TENM2: variants seen among roughly 807,000 people sequenced by gnomAD.
TENM2 encodes the protein teneurin transmembrane protein 2.
In TENM2, 52 loss-of-function variants were observed where a neutral mutation model predicts 245.2. That is an observed-to-expected ratio of 0.21 (90% CI 0.17 to 0.27). The LOEUF is 0.27. TENM2 is among the 10% of genes least tolerant of loss of function. The probability of loss-of-function intolerance (pLI) is 1.00; values close to 1 mark genes in which losing one functional copy is unlikely to be tolerated. For synonymous variants in TENM2, 1,363 were observed against 1,438.9 expected, an observed-to-expected ratio of 0.95 and a Z score of 1.19; for missense variants, 3,046 against 3,666.8, an observed-to-expected ratio of 0.83 and a Z score of 4.37.
chr5:167,984,346 TTACTTTC>T (rs1271687394), intron 4 of TENM2, among the ~76,000 whole-genome samples: 1 of 152,212 alleles, frequency 6.6e-6, no homozygotes, highest in Non-Finnish European at 1.5e-5. Context: ...CAGGAGATGT[TTACTTTC>T]TATTTTTAAA....
intron 7 of TENM2, among the ~76,000 whole-genome samples, chr5:168,064,606 T>C (rs1247893470): frequency 6.6e-6 from 1 of 152,254 alleles, no homozygotes; most frequent in Non-Finnish European, 1.5e-5. Context: ...CCTTTGTGGC[T>C]ACGCCACACT....
chr5:167,222,260 G>A, the TENM2 span, among the ~76,000 whole-genome samples: 1 of 152,172 alleles, frequency 6.6e-6, no homozygotes, highest in Admixed American at 6.5e-5. Context: ...ATGCAATGGA[G>A]GATGTTGACA....
At chr5:167,774,345 G>C (rs1331736013) in intron 2 of TENM2, among the ~76,000 whole-genome samples, 1 of 152,154 alleles carries the variant, frequency 6.6e-6, no homozygotes, top group Non-Finnish European at 1.5e-5. Context: ...CTATCTATCT[G>C]ACAATGCTCA....
At chr5:167,814,464 AAAAAAG>A (rs1217315476) in intron 2 of TENM2, among the ~76,000 whole-genome samples, 16 of 150,928 alleles carry the variant, frequency 1.1e-4, no homozygotes, top group Middle Eastern at 3.2e-3. Flanking sequence ...AAAAAAAAAA[AAAAAAG>A]AAAAAGAAAA....
intron 6 of TENM2, among the ~76,000 whole-genome samples, chr5:168,061,116 G>A (rs1413989768): frequency 6.6e-6 from 1 of 152,082 alleles, no homozygotes; most frequent in Non-Finnish European, 1.5e-5. Flanking sequence ...ATTTCAGTTG[G>A]CTCAGCAGTT....
the TENM2 span, among the ~76,000 whole-genome samples, chr5:167,160,370 C>T: frequency 1.3e-5 from 2 of 152,228 alleles, no homozygotes; most frequent in Non-Finnish European, 2.9e-5. Context: ...ACTCATGCCC[C>T]GCCTGCTGTG....
intron 2 of TENM2, among the ~76,000 whole-genome samples, chr5:167,547,406 CAGGATCCATTA>C (rs1772636377): frequency 6.6e-6 from 1 of 152,212 alleles, no homozygotes; most frequent in Non-Finnish European, 1.5e-5. Context: ...ATTTGCTCTG[CAGGATCCATTA>C]AGAGCAGCGG....
chr5:167,817,833 T>G (rs938419357), intron 2 of TENM2, among the ~76,000 whole-genome samples: 12 of 152,166 alleles, frequency 7.9e-5, no homozygotes, highest in African/African-American at 2.9e-4. Context: ...GTCAGTCTTG[T>G]GTGTTCCAGC....
the TENM2 span, among the ~76,000 whole-genome samples, chr5:167,217,017 T>A: frequency 4.6e-5 from 7 of 152,210 alleles, no homozygotes; most frequent in Non-Finnish European, 7.3e-5. Context: ...TATCTGAATA[T>A]TACATTTTCT....
At chr5:167,771,853 A>G (rs1428254297) in intron 2 of TENM2, among the ~76,000 whole-genome samples, 1 of 152,222 alleles carries the variant, frequency 6.6e-6, no homozygotes, top group East Asian at 1.9e-4. Context: ...AATGTTTTTG[A>G]TTCGCTGGTT....
chr5:167,863,504 C>T (rs1199099656), intron 2 of TENM2, among the ~76,000 whole-genome samples: 1 of 151,676 alleles, frequency 6.6e-6, no homozygotes, highest in African/African-American at 2.4e-5. Context: ...ATTAGCCAGG[C>T]GTGGTGGCAT....
At chr5:167,364,855 A>G (rs1346565402) in intron 1 of TENM2, among the ~76,000 whole-genome samples, 1 of 152,016 alleles carries the variant, frequency 6.6e-6, no homozygotes, top group Non-Finnish European at 1.5e-5. Context: ...AGGAGGAAAG[A>G]GAAAAAAAAA....
the TENM2 span, among the ~76,000 whole-genome samples, chr5:167,045,776 G>C: frequency 6.6e-6 from 1 of 152,144 alleles, no homozygotes; most frequent in Non-Finnish European, 1.5e-5. Flanking sequence ...CCATCCTTGG[G>C]AAGCATAGAG....
In TENM2 at chr5:167,436,959, C is replaced by T. The variant is rs192503175; in HGVS notation, c.502+61486C>T. 2.2e-4 allele frequency among the ~76,000 whole-genome samples: 34 copies of T among 152,290 alleles called. No individual in the cohort carries two copies. In the East Asian group the frequency reaches 5.2e-3, roughly 23 times the overall value. On this transcript the variant is annotated intron_variant, in intron 2 of 28. Coordinates refer to ENST00000518659, the Ensembl canonical transcript of TENM2. Reference sequence around the variant, plus strand: ...AGTTTGCTGCAGGGGCGAGCCCTCACGGAGAACCTCTGCTAGGGCAGTGTA... The same window carrying T: ...AGTTTGCTGCAGGGGCGAGCCCTCATGGAGAACCTCTGCTAGGGCAGTGTA...
In TENM2 at chr5:168,219,067, G is replaced by T. The variant is rs1006360191; in HGVS notation, c.5108+68G>T. ...CCCTAGCTGGCATTAGGACTGGGTC[G>T]CTTGTGTAGCTTTTTAAATTGCTTT... On this transcript the variant is annotated intron_variant, in intron 23 of 28. Transcript: ENST00000518659. 1.0e-5 allele frequency: 15 copies of T among 1,457,478 alleles called. No homozygotes were observed. In the South Asian group the frequency reaches 1.7e-4, roughly 17 times the overall value. The allele number at this position is 1,457,478 out of a possible 1,614,324, so 90.3% of individuals were successfully genotyped here. A position where few individuals can be genotyped will look rare whatever the true frequency, so the allele number is the denominator to read the frequency against.
chr5:167,080,034 T>C, the TENM2 span, among the ~76,000 whole-genome samples: 1 of 152,356 alleles, frequency 6.6e-6, no homozygotes, highest in South Asian at 2.1e-4. Flanking sequence ...CAGCTTTTCA[T>C]TTGTCCTGCA....
chr5:168,179,271 G>A (rs1234403342), intron 13 of TENM2, among the ~76,000 whole-genome samples: 4 of 152,002 alleles, frequency 2.6e-5, no homozygotes, highest in Non-Finnish European at 5.9e-5. Flanking sequence ...TTCTTTATCT[G>A]CAAAATGAGG....
chr5:167,798,061 T>C (rs1485400199), intron 2 of TENM2, among the ~76,000 whole-genome samples: 2 of 152,252 alleles, frequency 1.3e-5, no homozygotes, highest in Non-Finnish European at 2.9e-5. Context: ...TCATAATCTT[T>C]TTCAATGACT....
At chr5:167,134,913 A>G in the TENM2 span, among the ~76,000 whole-genome samples, 1 of 152,212 alleles carries the variant, frequency 6.6e-6, no homozygotes, top group African/African-American at 2.4e-5. Context: ...CAGAGGAAAC[A>G]TTGTTGTACT....
Sources: gnomAD v4.1 joint callset for allele counts (sites outside exome capture counted in the v4.1 genomes callset) on GRCh38, gnomAD v4.1.1 for gene constraint, MANE v1.5 for transcripts, NCBI Gene and HGNC (gene_info 2026-07-23, HGNC 2026-07-21) for gene names.